The following TRAF2 variants were observed in gnomAD, a reference collection of about 807,000 sequenced individuals.
TRAF2 encodes TNF receptor associated factor 2.
TRAF2 carries 6 observed loss-of-function variants against 55.6 expected under a neutral mutation model. The ratio of observed to expected loss-of-function variants is 0.11; its 90% CI spans 0.06 to 0.21. The LOEUF is 0.21. Among genes scored for constraint, TRAF2 ranks in the 10% least tolerant of loss-of-function variants. The pLI is 1.00. For synonymous variants in TRAF2, 329 were observed against 276.3 expected (o/e 1.19, Z -1.89); for missense variants, 561 against 684.5 (o/e 0.82, Z 2.01).
rs1325962396 is a variant in TRAF2, at chr9:136,920,380, G to A, written c.825G>A (p.Leu275=). The A allele has an allele frequency of 6.2e-7, 1 of 1,614,156 alleles. No individual in the cohort carries two copies. Among genetic ancestry groups the A allele is most frequent in the Admixed American group, 1.7e-5 (1 of 60,020 alleles). The change falls in exon 8 of 11, where the codon CTG becomes CTA. Residue 275 remains leucine, a synonymous_variant. Transcript: ENST00000247668. The part of the protein sequence containing the change: ...GSELLQRCES[L]EKKTATFENI... ...AGCTCCTGCAGAGGTGCGAGAGCCT[G>A]GAGAAGAAGACGGCCACTTTTGAGA...
At chr9:136,896,252 C>T (rs1849677211) in intron 1 of TRAF2, among the ~76,000 whole-genome samples, 2 of 152,240 alleles carry the variant, frequency 1.3e-5, no homozygotes, top group Admixed American at 6.5e-5. Context: ...CCCTGGCCCT[C>T]GGGCTGCTTT....
intron 10 of TRAF2, 125 bp downstream of exon 10, chr9:136,924,125 C>A: frequency 1.7e-6 from 2 of 1,182,440 alleles, no homozygotes; most frequent in Non-Finnish European, 2.3e-6. Flanking sequence ...GTGTCTGCAG[C>A]AGGCACGTCA....
chr9:136,913,755 T>C lies in TRAF2; in HGVS notation c.604-2786T>C, dbSNP rs577945232. ...CGATGTAAACTATTGGCCTGCTGTC[T>C]TATCAGTCAGAGCTGTGCAGAGGCA... On this transcript the variant is annotated intron_variant, in intron 6 of 10. Coordinates refer to ENST00000247668, the MANE Select transcript of TRAF2 (RefSeq NM_021138.4). Among the ~76,000 whole-genome samples the C allele has an allele frequency of 5.9e-5, 9 of 152,344 alleles. No homozygotes were observed. The South Asian group carries it at 1.9e-3, about 32-fold the overall frequency.
intron 4 of TRAF2, among the ~76,000 whole-genome samples, chr9:136,903,688 TTG>T (rs1259289082): frequency 6.6e-6 from 1 of 151,524 alleles, no homozygotes; most frequent in African/African-American, 2.4e-5. Flanking sequence ...GTTTGTTTGT[TTG>T]TTGTTTTTTG....
At chr9:136,920,193 T>G (rs1850350378) in intron 7 of TRAF2, 41 bp from the exon 8 acceptor site, 2 of 1,563,448 alleles carry the variant, frequency 1.3e-6, no homozygotes, top group Non-Finnish European at 1.7e-6. Context: ...GGGAGCCGAA[T>G]GGTGGATGGA....
chr9:136,906,350 C>G (rs1055953517), intron 4 of TRAF2, among the ~76,000 whole-genome samples: 3 of 152,134 alleles, frequency 2.0e-5, no homozygotes, highest in African/African-American at 7.2e-5. Flanking sequence ...CTCATAGTTC[C>G]ATGTGCCTGG....
intron 4 of TRAF2, 70 bp from the exon 5 acceptor site, chr9:136,908,000 C>G: frequency 7.8e-6 from 12 of 1,539,294 alleles, no homozygotes; most frequent in Middle Eastern, 1.7e-4. Flanking sequence ...GCCTTGTGTC[C>G]CCGGGTGAAG....
chr9:136,914,321 A>T (rs1282334618), intron 6 of TRAF2, among the ~76,000 whole-genome samples: 2 of 151,994 alleles, frequency 1.3e-5, no homozygotes, highest in Non-Finnish European at 2.9e-5. Flanking sequence ...CGCACCCCCC[A>T]TTCCCAGCAT....
At chr9:136,900,129 A>G (rs1481708135) in intron 3 of TRAF2, among the ~76,000 whole-genome samples, 1 of 150,374 alleles carries the variant, frequency 6.7e-6, no homozygotes, top group Non-Finnish European at 1.5e-5. Context: ...ATCGCATGCC[A>G]CTGCACTCCA....
intron 7 of TRAF2, among the ~76,000 whole-genome samples, chr9:136,919,718 C>CTT (rs1003397836): frequency 8.4e-5 from 10 of 118,756 alleles, no homozygotes; most frequent in African/African-American, 3.3e-4. Flanking sequence ...TGTCCCGTCC[C>CTT]TTTTTTCTTT....
upstream of TRAF2, among the ~76,000 whole-genome samples, chr9:136,884,556 T>C (rs950310940): frequency 9.3e-6 from 1 of 108,092 alleles, no homozygotes; most frequent in Non-Finnish European, 1.9e-5. Flanking sequence ...CAAGACACCG[T>C]CTCAAAAAAG....
chr9:136,899,844 G>A (rs2131292539), intron 3 of TRAF2, among the ~76,000 whole-genome samples, 172 bp downstream of exon 3: 1 of 152,220 alleles, frequency 6.6e-6, no homozygotes, highest in South Asian at 2.1e-4. Flanking sequence ...GGGCAACATA[G>A]TGAGACCCTG....
intron 6 of TRAF2, among the ~76,000 whole-genome samples, chr9:136,913,087 G>A (rs1425925039): frequency 1.3e-5 from 2 of 152,014 alleles, no homozygotes; most frequent in Non-Finnish European, 2.9e-5. Flanking sequence ...CAGTCGCAGT[G>A]AGCCAAGATC....
chr9:136,884,514 C>A (rs926077784), upstream of TRAF2, among the ~76,000 whole-genome samples: 1 of 151,728 alleles, frequency 6.6e-6, no homozygotes, highest in East Asian at 2.0e-4. Flanking sequence ...GAGCCGAGAT[C>A]GCACCACTGC....
At chr9:136,887,086 C>T (rs536166149) in intron 1 of TRAF2, among the ~76,000 whole-genome samples, 1 of 152,332 alleles carries the variant, frequency 6.6e-6, no homozygotes, top group African/African-American at 2.4e-5. Context: ...ACTCTGCTGC[C>T]TTCCTGCCCA....
intron 9 of TRAF2, among the ~76,000 whole-genome samples, chr9:136,921,682 TCACA>T (rs1850388682): frequency 6.7e-6 from 1 of 148,316 alleles, no homozygotes; most frequent in Non-Finnish European, 1.5e-5. Context: ...AGGGTGTTTC[TCACA>T]CTCCCCCACC....
intron 2 of TRAF2, 64 bp downstream of exon 2, chr9:136,898,992 G>C: frequency 6.7e-7 from 1 of 1,497,098 alleles, no homozygotes; most frequent in Non-Finnish European, 9.0e-7. Context: ...GAGCCACGCT[G>C]CCCAGCCTGG....
intron 9 of TRAF2, among the ~76,000 whole-genome samples, chr9:136,922,896 A>G (rs1181951667): frequency 9.7e-6 from 1 of 102,854 alleles, no homozygotes; most frequent in African/African-American, 3.9e-5. Flanking sequence ...GAGGACTAGG[A>G]CAGGGAGGAT....
rs766397484 is a variant in TRAF2, at chr9:136,898,759, A to T, written c.19A>T (p.Thr7Ser). The T allele has an allele frequency of 6.2e-7, 1 of 1,612,198 alleles. No homozygotes were observed. Among genetic ancestry groups the T allele is most frequent in the Admixed American group, 1.7e-5 (1 of 59,860 alleles). Residue 7 changes from threonine to serine, a missense_variant, in exon 2 of 11, where the codon ACC becomes TCC. Transcript: ENST00000247668. MAAASV[T>S]PPGSLELLQP... is the part of the protein sequence containing the mutation. The stretch of plus-strand genomic sequence containing the variant: ...AGCTCTCATGGCTGCAGCTAGCGTG[A>T]CCCCCCCTGGCTCCCTGGAGTTGCT...
Sources: gnomAD v4.1 joint callset for allele counts (sites outside exome capture counted in the v4.1 genomes callset) on GRCh38, gnomAD v4.1.1 for gene constraint, MANE v1.5 for transcripts, NCBI Gene and HGNC (gene_info 2026-07-23, HGNC 2026-07-21) for gene names.